The following LIMA1 variants were observed in gnomAD, a reference collection of about 807,000 sequenced individuals.
LIMA1 encodes the protein LIM domain and actin binding 1, also known as LIM domain and actin-binding protein 1.
In LIMA1, 52 loss-of-function variants were observed where a neutral mutation model predicts 62.6. The observed-to-expected ratio is 0.83, with a 90% CI of 0.67 to 1.05. The LOEUF (loss-of-function observed/expected upper bound fraction) is 1.05. Ranked by LOEUF, LIMA1 falls within the 50% of genes least tolerant of loss-of-function variation. The pLI is 0.00. For missense variants in LIMA1, 780 were observed against 902.2 expected, an observed-to-expected ratio of 0.86 and a Z score of 1.74; for synonymous variants, 302 against 317.8, an observed-to-expected ratio of 0.95 and a Z score of 0.53.
At chr12:50,222,560 G>GA in intron 3 of LIMA1, 75 bp from the exon 4 acceptor site, 1 of 1,602,100 alleles carries the variant, frequency 6.2e-7, no homozygotes, top group Non-Finnish European at 8.5e-7. Flanking sequence ...TTTGTAAAAT[G>GA]AAAGTTAAAA....
intron 10 of LIMA1, among the ~76,000 whole-genome samples, chr12:50,178,542 A>T (rs778423060): frequency 6.6e-6 from 1 of 151,974 alleles, no homozygotes; most frequent in Admixed American, 6.6e-5. Context: ...AAAAAAAAAA[A>T]AAAGAAAAAA....
intron 1 of LIMA1, among the ~76,000 whole-genome samples, chr12:50,252,595 A>AAG (rs1231266209): frequency 6.6e-6 from 1 of 151,418 alleles, no homozygotes; most frequent in African/African-American, 2.4e-5. Context: ...AAAAAAAAAA[A>AAG]AAAAAAAGAC....
chr12:50,181,985 T>G lies in LIMA1; in HGVS notation c.1193A>C (p.Tyr398Ser). 1 of 1,613,440 alleles carries G rather than the reference T, an allele frequency of 6.2e-7. No homozygotes were observed. Among genetic ancestry groups the G allele is most frequent in the Non-Finnish European group, 8.5e-7 (1 of 1,180,030 alleles). The change falls in exon 10 of 11, where the codon TAT becomes TCT. Residue 398 changes from tyrosine to serine, a missense_variant. Tyr to Ser is a moderately radical substitution (Grantham distance 144). Coordinates refer to ENST00000341247, the MANE Select transcript of LIMA1 (RefSeq NM_016357.5). ...ETCVECQKTV[Y>S]PMERLLANQQ... ...GTTGGCCAAGAGACGCTCCATTGGA[T>G]AGACTGTCTTCTGACATTCCACGCA...
At chr12:50,226,787 T>C (rs1283243054) in intron 3 of LIMA1, among the ~76,000 whole-genome samples, 3 of 149,482 alleles carry the variant, frequency 2.0e-5, no homozygotes, top group South Asian at 4.2e-4. Context: ...TGCAGTGAGC[T>C]GCGATCATGC....
At chr12:50,201,094 T>C in intron 6 of LIMA1, 2 of 1,333,370 alleles carry the variant, frequency 1.5e-6, no homozygotes, top group Non-Finnish European at 1.9e-6. Context: ...GTTAAATATC[T>C]GTATGCTAGT....
At chr12:50,254,196 C>T (rs527773297) in intron 1 of LIMA1, among the ~76,000 whole-genome samples, 2 of 152,246 alleles carry the variant, frequency 1.3e-5, no homozygotes, top group African/African-American at 4.8e-5. Flanking sequence ...GATTGGAAGA[C>T]AGTTGGCTGC....
intron 1 of LIMA1, among the ~76,000 whole-genome samples, chr12:50,262,230 T>C (rs1942080827): frequency 1.3e-5 from 2 of 152,164 alleles, no homozygotes; most frequent in Admixed American, 6.5e-5. Flanking sequence ...AGCCAAATAG[T>C]AATTTTAGAA....
rs1942085978 is a variant in LIMA1 at position 50,262,623 on chromosome 12, TAAAA to T, written c.-23-13853_-23-13850del. 9.5e-5 allele frequency among the ~76,000 whole-genome samples: 6 copies of T among 63,472 alleles called. No individual in the cohort carries two copies. In the East Asian group the frequency reaches 8.0e-3, roughly 84 times the overall value. 41.6% of individuals were successfully genotyped at this position (63,472 alleles called of 152,430 possible). Reference sequence around the variant, plus strand: ...ACCTGTTCTCTGCCAAAAAATAAAGTAAAATAAAATAAAATAAAATAAAATAAAA... The same window carrying T: ...ACCTGTTCTCTGCCAAAAAATAAAGTTAAAATAAAATAAAATAAAATAAAA... On this transcript the variant is annotated intron_variant, in intron 1 of 10. Transcript: ENST00000341247.
chr12:50,276,619 G>T (rs1340203862), intron 1 of LIMA1, among the ~76,000 whole-genome samples: 3 of 152,074 alleles, frequency 2.0e-5, no homozygotes, highest in Non-Finnish European at 2.9e-5. Flanking sequence ...GCCTGTAATT[G>T]TAACACTTTG....
chr12:50,280,154 T>C (rs1182365914), intron 1 of LIMA1, among the ~76,000 whole-genome samples: 3 of 126,982 alleles, frequency 2.4e-5, no homozygotes, highest in Admixed American at 7.6e-5. Context: ...ATTTTTTTTT[T>C]TTTTTTTTTT....
chr12:50,267,335 T>A (rs1043263652), intron 1 of LIMA1, among the ~76,000 whole-genome samples: 5 of 152,054 alleles, frequency 3.3e-5, no homozygotes, highest in African/African-American at 1.2e-4. Flanking sequence ...CCTCCCAAAG[T>A]GCTGGGATTA....
At chr12:50,209,788 C>T (rs1454296393) in intron 4 of LIMA1, among the ~76,000 whole-genome samples, 1 of 151,932 alleles carries the variant, frequency 6.6e-6, no homozygotes, top group East Asian at 1.9e-4. Flanking sequence ...GTCTCAGCCT[C>T]CAGAGTAGCT....
chr12:50,199,741 TTTC>T (rs1941005026), intron 7 of LIMA1, among the ~76,000 whole-genome samples: 1 of 152,194 alleles, frequency 6.6e-6, no homozygotes, highest in Non-Finnish European at 1.5e-5. Flanking sequence ...AGAGTAAGAT[TTTC>T]TTGCACAAAA....
chr12:50,204,190 GTCT>G (rs936178152), intron 6 of LIMA1, among the ~76,000 whole-genome samples: 1 of 152,092 alleles, frequency 6.6e-6, no homozygotes, highest in African/African-American at 2.4e-5. Context: ...AAGCTCTTCA[GTCT>G]TCTTCCTTCT....
chr12:50,251,848 C>G (rs1275804502), intron 1 of LIMA1, among the ~76,000 whole-genome samples: 2 of 152,112 alleles, frequency 1.3e-5, no homozygotes, highest in African/African-American at 4.8e-5. Context: ...TGAGATGACT[C>G]TCACCCTGAC....
At chr12:50,255,018 G>T (rs1397622446) in intron 1 of LIMA1, among the ~76,000 whole-genome samples, 1 of 147,740 alleles carries the variant, frequency 6.8e-6, no homozygotes, top group South Asian at 2.2e-4. Flanking sequence ...ACAAGACTCT[G>T]TCTCAAAACA....
At chr12:50,273,587 C>T (rs1393286490) in intron 1 of LIMA1, among the ~76,000 whole-genome samples, 1 of 152,064 alleles carries the variant, frequency 6.6e-6, no homozygotes, top group Non-Finnish European at 1.5e-5. Context: ...AAAAGACTAA[C>T]CAATGAAAAG....
intron 6 of LIMA1, chr12:50,201,357 T>G: frequency 4.1e-6 from 4 of 984,612 alleles, no homozygotes; most frequent in Non-Finnish European, 4.8e-6. Flanking sequence ...TGTATACATA[T>G]AAAAACTGAA....
chr12:50,272,633 A>G (rs1372926558), intron 1 of LIMA1, among the ~76,000 whole-genome samples: 2 of 151,984 alleles, frequency 1.3e-5, no homozygotes, highest in East Asian at 3.9e-4. Flanking sequence ...CCACGTAACA[A>G]TGCCTTAATA....
Sources: gnomAD v4.1 joint callset for allele counts (sites outside exome capture counted in the v4.1 genomes callset) on GRCh38, gnomAD v4.1.1 for gene constraint, MANE v1.5 for transcripts, NCBI Gene and HGNC (gene_info 2026-07-23, HGNC 2026-07-21) for gene names.